Variants in AGBL4 observed in about 807,000 individuals in gnomAD.
AGBL4 encodes AGBL carboxypeptidase 4, also known as cytosolic carboxypeptidase 6.
A neutral mutation model predicts 66.4 loss-of-function variants in AGBL4; 58 were observed. The observed-to-expected ratio is 0.87, with a 90% CI of 0.71 to 1.09. The LOEUF is 1.09. AGBL4 is among the 50% of genes least tolerant of loss of function. The pLI is 0.00. For synonymous variants in AGBL4, 234 were observed against 222.9 expected (o/e 1.05, Z -0.44); for missense variants, 579 against 631.0 (o/e 0.92, Z 0.88).
At chr1:49,942,789 A>G (rs1406195874) in intron 1 of AGBL4, among the ~76,000 whole-genome samples, 5 of 152,188 alleles carry the variant, frequency 3.3e-5, no homozygotes, top group Non-Finnish European at 5.9e-5. Context: ...TGTACATGGT[A>G]TCAAAAGCAC....
chr1:49,055,997 C>G (rs1402356416), intron 4 of AGBL4, among the ~76,000 whole-genome samples: 1 of 152,058 alleles, frequency 6.6e-6, no homozygotes, highest in Non-Finnish European at 1.5e-5. Flanking sequence ...CTCAAAGTTA[C>G]CTCAAATTTA....
intron 5 of AGBL4, among the ~76,000 whole-genome samples, chr1:48,918,447 G>A (rs1653795644): frequency 1.3e-5 from 2 of 152,150 alleles, no homozygotes; most frequent in African/African-American, 4.8e-5. Context: ...TTGCTGCAAT[G>A]GGCTGAATGT....
chr1:48,986,782 A>G (rs773906557), intron 5 of AGBL4, among the ~76,000 whole-genome samples: 15 of 152,104 alleles, frequency 9.9e-5, no homozygotes, highest in Non-Finnish European at 1.8e-4. Flanking sequence ...ATGTCTTATT[A>G]GTTAAATAAC....
intron 3 of AGBL4, among the ~76,000 whole-genome samples, chr1:49,440,685 T>C (rs1371648476): frequency 1.3e-5 from 2 of 152,232 alleles, no homozygotes; most frequent in East Asian, 1.9e-4. Flanking sequence ...TTATATCCTC[T>C]AGAGAAAGAG....
chr1:48,728,653 T>C (rs1647602928), intron 6 of AGBL4, among the ~76,000 whole-genome samples: 1 of 152,214 alleles, frequency 6.6e-6, no homozygotes, highest in Non-Finnish European at 1.5e-5. Context: ...TTAAAAACAC[T>C]CTGGCACATG....
In AGBL4 at chr1:49,169,983, G is replaced by C. The variant is rs1228088741; in HGVS notation, c.377+75787C>G. 3.9e-5 allele frequency among the ~76,000 whole-genome samples: 6 copies of C among 151,944 alleles called. No homozygotes were observed. The East Asian group carries it at 9.7e-4, about 24-fold the overall frequency. On this transcript the variant is annotated intron_variant, in intron 4 of 13. Transcript: ENST00000371839. The stretch of plus-strand genomic sequence containing the variant: ...ATAATGGATTTTGGAGACTCAGAAG[G>C]GGGAAGAGCAGGAGGGGAGTGAGGG...
Position 48,533,672 on chromosome 1 carries a change from T to C in AGBL4, c.*501A>G, listed in dbSNP as rs908490973. Reference sequence around the variant, plus strand: ...TCCACCGTTGATTTCAAAAATTCTGTCCCATTGTTCCCTAGGATGCATTTG... The same window carrying C: ...TCCACCGTTGATTTCAAAAATTCTGCCCCATTGTTCCCTAGGATGCATTTG... On this transcript the variant is annotated 3_prime_UTR_variant, in exon 14 of 14. Transcript: ENST00000371839. 1.8e-5 allele frequency: 3 copies of C among 163,552 alleles called. No homozygotes were observed. The highest frequency in any genetic ancestry group is 7.2e-5 in the African/African-American group (3 of 41,672). 10.1% of individuals were successfully genotyped at this position (163,552 alleles called of 1,614,324 possible). A position where few individuals can be genotyped will look rare whatever the true frequency, so the allele number is the denominator to read the frequency against.
intron 3 of AGBL4, among the ~76,000 whole-genome samples, chr1:49,542,328 G>C (rs1652111769): frequency 2.6e-5 from 4 of 152,090 alleles, no homozygotes; most frequent in Non-Finnish European, 5.9e-5. Flanking sequence ...TTTTGGGTCT[G>C]CACTGCCTTT....
intron 6 of AGBL4, among the ~76,000 whole-genome samples, chr1:48,798,644 G>T (rs1169070291): frequency 6.6e-6 from 1 of 152,058 alleles, no homozygotes; most frequent in Non-Finnish European, 1.5e-5. Context: ...ATGGTTTTAG[G>T]TTACTTAGGT....
At chr1:49,552,610 C>T (rs1019016406) in intron 3 of AGBL4, among the ~76,000 whole-genome samples, 2 of 152,222 alleles carry the variant, frequency 1.3e-5, no homozygotes, top group African/African-American at 4.8e-5. Flanking sequence ...AGAGGAGGCT[C>T]TCCCTCTCCC....
chr1:49,883,317 C>T (rs893606341), intron 1 of AGBL4, among the ~76,000 whole-genome samples: 1 of 151,992 alleles, frequency 6.6e-6, no homozygotes, highest in Non-Finnish European at 1.5e-5. Flanking sequence ...ATGGAGAAGT[C>T]CTACCCAACC....
chr1:48,887,793 T>G (rs1650518057), intron 5 of AGBL4, among the ~76,000 whole-genome samples: 3 of 152,202 alleles, frequency 2.0e-5, no homozygotes, highest in African/African-American at 7.2e-5. Flanking sequence ...AAATGACCAC[T>G]ACATTTTGGC....
intron 3 of AGBL4, among the ~76,000 whole-genome samples, chr1:49,367,847 T>C (rs1049711272): frequency 2.6e-5 from 4 of 152,204 alleles, no homozygotes; most frequent in African/African-American, 9.6e-5. Context: ...GCAACCATCA[T>C]CTCTATCTAG....
chr1:49,000,544 A>G (rs142935240), intron 5 of AGBL4, among the ~76,000 whole-genome samples: 159 of 152,350 alleles, frequency 1.0e-3, no homozygotes, highest in African/African-American at 3.6e-3. Context: ...GTAAAATTAG[A>G]AAAGTTGATC....
chr1:49,716,310 T>C (rs1272212360), intron 2 of AGBL4, among the ~76,000 whole-genome samples: 2 of 152,128 alleles, frequency 1.3e-5, no homozygotes, highest in Non-Finnish European at 2.9e-5. Context: ...CATTGGTCTA[T>C]ATATCTGTTT....
rs12085477 is a variant in AGBL4 at position 49,244,686 on chromosome 1, C to T, written c.377+1084G>A. On this transcript the variant is annotated intron_variant, in intron 4 of 13. Transcript: ENST00000371839. Reference sequence around the variant, plus strand: ...CAAAGCTATAACAATATTAACAATTCGTTGCATTTGTATAGGGTTTTATAT... The same window carrying T: ...CAAAGCTATAACAATATTAACAATTTGTTGCATTTGTATAGGGTTTTATAT... Among the ~76,000 whole-genome samples, 502 of 151,844 alleles carry T rather than the reference C, an allele frequency of 3.3e-3. 9 individuals carry two copies. Among genetic ancestry groups the T allele is most frequent in the African/African-American group, 0.011 (449 of 41,502 alleles).
intron 11 of AGBL4, among the ~76,000 whole-genome samples, chr1:48,573,754 C>T (rs1226730110): frequency 6.6e-6 from 1 of 152,090 alleles, no homozygotes; most frequent in Non-Finnish European, 1.5e-5. Context: ...CTTCTGATAA[C>T]CTAGGAATTT....
intron 5 of AGBL4, among the ~76,000 whole-genome samples, chr1:48,904,601 A>G (rs1012374479): frequency 1.3e-5 from 2 of 152,184 alleles, no homozygotes; most frequent in Non-Finnish European, 2.9e-5. Flanking sequence ...TGTAAACTTG[A>G]GCTAATAACC....
intron 3 of AGBL4, among the ~76,000 whole-genome samples, chr1:49,666,179 C>T (rs1313903500): frequency 6.6e-6 from 1 of 151,858 alleles, no homozygotes; most frequent in Non-Finnish European, 1.5e-5. Context: ...CTTGTATACC[C>T]CTCTGCTCTC....
Sources: allele counts gnomAD v4.1 joint callset (sites outside exome capture counted in the v4.1 genomes callset), GRCh38; gene constraint gnomAD v4.1.1; transcripts MANE v1.5; gene names NCBI Gene and HGNC (gene_info 2026-07-23, HGNC 2026-07-21).